Variants in POFUT2 observed in about 807,000 individuals in gnomAD.
The protein encoded by POFUT2 is protein O-fucosyltransferase 2, also known as GDP-fucose protein O-fucosyltransferase 2.
Under a neutral mutation model 55.0 loss-of-function variants are expected in POFUT2, and 30 were observed. The ratio of observed to expected loss-of-function variants is 0.55; its 90% confidence interval spans 0.41 to 0.74. The LOEUF is 0.74. Ranked by LOEUF, POFUT2 falls within the 30% of genes least tolerant of loss-of-function variation. The pLI, the probability that POFUT2 is intolerant of heterozygous loss-of-function variation, is 0.00. For synonymous variants in POFUT2, 267 were observed against 231.1 expected, an observed-to-expected ratio of 1.16 and a Z score of -1.41; for missense variants, 524 against 562.6, an observed-to-expected ratio of 0.93 and a Z score of 0.69.
At chr21:45,269,229 C>A (rs1335997551) in intron 7 of POFUT2, among the ~76,000 whole-genome samples, 1 of 150,344 alleles carries the variant, frequency 6.7e-6, no homozygotes, top group South Asian at 2.1e-4. Flanking sequence ...TCTGCCCGGC[C>A]GCCCCTACTG....
intron 6 of POFUT2, among the ~76,000 whole-genome samples, chr21:45,273,172 C>T (rs961533803): frequency 7.2e-5 from 11 of 152,008 alleles, no homozygotes; most frequent in African/African-American, 2.7e-4. Flanking sequence ...AGAGAAGATC[C>T]AAATAAGGTC....
chr21:45,285,273 A>C lies in POFUT2; in HGVS notation c.382+405T>G, dbSNP rs1379835935. The C allele has an allele frequency of 3.9e-6, 1 of 257,134 alleles. No individual in the cohort carries two copies. The highest frequency in any genetic ancestry group is 7.8e-6 in the Non-Finnish European group (1 of 128,304). 15.9% of individuals were successfully genotyped at this position (257,134 alleles called of 1,614,324 possible). ...ACAAAATTAAACGAGACAGACCTTT[A>C]TCCCTGGCGCTGCACTGAGACACCA... On this transcript the variant is annotated intron_variant, in intron 2 of 8. Coordinates refer to ENST00000349485, the MANE Select transcript of POFUT2 (RefSeq NM_133635.6). This position sits in a 1 kb window ranked among gnomAD's most constrained non-coding sequence, Gnocchi z 4.9.
Position 45,265,257 on chromosome 21 carries a change from GCCA to G in POFUT2, c.*222_*224del. 5.0e-6 allele frequency: 2 copies of G among 403,294 alleles called. No individual in the cohort carries two copies. The highest frequency in any genetic ancestry group is 8.4e-5 in the Admixed American group (2 of 23,728). The allele number at this position is 403,294 out of a possible 1,614,324, so 25.0% of individuals were successfully genotyped here. On this transcript the variant is annotated 3_prime_UTR_variant, in exon 9 of 9. Transcript: ENST00000349485. This position sits in a 1 kb window ranked among gnomAD's most constrained non-coding sequence, Gnocchi z 4.6. ...TCACAGACGCTGCCTGAAAACAACC[GCCA>G]CCCCCGAGAGCAGCGGAGCCTCTTC...
At chr21:45,269,576 A>ACGCTTGAAGGCAG (rs2093198708) in intron 7 of POFUT2, among the ~76,000 whole-genome samples, 1 of 152,080 alleles carries the variant, frequency 6.6e-6, no homozygotes, top group Admixed American at 6.5e-5. Flanking sequence ...TGTTAAACAG[A>ACGCTTGAAGGCAG]CGCTTGAAGG....
At chr21:45,274,203 A>G (rs985527584) in intron 6 of POFUT2, among the ~76,000 whole-genome samples, 2 of 152,118 alleles carry the variant, frequency 1.3e-5, no homozygotes, top group African/African-American at 2.4e-5. Flanking sequence ...CAAGAACTCA[A>G]CTCCTTTTAC....
At chr21:45,273,486 C>A (rs1222106976) in intron 6 of POFUT2, among the ~76,000 whole-genome samples, 1 of 152,126 alleles carries the variant, frequency 6.6e-6, no homozygotes, top group African/African-American at 2.4e-5. Flanking sequence ...TGAAACTATT[C>A]CAAAAGACAG....
chr21:45,278,086 C>T lies in POFUT2; in HGVS notation c.705+17G>A. On this transcript the variant is annotated intron_variant, in intron 5 of 8. Transcript: ENST00000349485. ...ACATACACTAACTGAGAAAAACGCT[C>T]CCGAGGAAACACTCACATCCCAGTA... The T allele has an allele frequency of 6.2e-7, 1 of 1,606,700 alleles. No homozygotes were observed. Among genetic ancestry groups the T allele is most frequent in the South Asian group, 1.1e-5 (1 of 90,926 alleles).
At chr21:45,268,245 G>A (rs1219061180) in intron 7 of POFUT2, among the ~76,000 whole-genome samples, 2 of 152,250 alleles carry the variant, frequency 1.3e-5, no homozygotes, top group Non-Finnish European at 2.9e-5. Context: ...TCGGCCTCCC[G>A]AGGTGCTGGG....
At chr21:45,280,306 G>A (rs1374197904) in intron 4 of POFUT2, among the ~76,000 whole-genome samples, 1 of 151,990 alleles carries the variant, frequency 6.6e-6, no homozygotes, top group African/African-American at 2.4e-5. Context: ...TTTTTTTACT[G>A]GGCATTATAT....
In POFUT2 at chr21:45,282,476, A is replaced by C; in HGVS notation, c.528-17T>G. 7.2e-7 allele frequency: 1 copy of C among 1,397,146 alleles called. No homozygotes were observed. The highest frequency in any genetic ancestry group is 1.0e-6 in the Non-Finnish European group (1 of 982,816). The allele number at this position is 1,397,146 out of a possible 1,614,324, so 86.5% of individuals were successfully genotyped here. On this transcript the variant is annotated splice_polypyrimidine_tract_variant and intron_variant, in intron 3 of 8. Transcript: ENST00000349485. The surrounding 1 kb of genome is among the most constrained non-coding windows in gnomAD (Gnocchi z 4.6). The stretch of plus-strand genomic sequence containing the variant: ...AACCATCCTCTGGAAAACAAAACCC[A>C]CAGCAGCTCTATCAGTTTATTTTGC...
At chr21:45,274,838 C>T (rs892946425) in intron 6 of POFUT2, among the ~76,000 whole-genome samples, 9 of 152,234 alleles carry the variant, frequency 5.9e-5, no homozygotes, top group Admixed American at 3.3e-4. Context: ...AAATTCTAGA[C>T]GATAACATCA....
intron 6 of POFUT2, among the ~76,000 whole-genome samples, chr21:45,273,488 A>G (rs1404754542): frequency 1.3e-5 from 2 of 152,228 alleles, no homozygotes; most frequent in East Asian, 3.8e-4. Flanking sequence ...AAACTATTCC[A>G]AAAGACAGAG....
In POFUT2 at chr21:45,267,552, C is replaced by G. The variant is rs757109746; in HGVS notation, c.1136+38G>C. Reference sequence around the variant, plus strand: ...GGACAGAAGAACCTTTGAAAGCCACCCGACCCGCTCTCGGCCGACAGTGAC... The same window carrying G: ...GGACAGAAGAACCTTTGAAAGCCACGCGACCCGCTCTCGGCCGACAGTGAC... On this transcript the variant is annotated intron_variant, in intron 8 of 8. Transcript: ENST00000349485. The surrounding 1 kb of genome is among the most constrained non-coding windows in gnomAD (Gnocchi z 4.4). The G allele has an allele frequency of 2.5e-6, 4 of 1,614,044 alleles. No homozygotes were observed. The highest frequency in any genetic ancestry group is 3.4e-6 in the Non-Finnish European group (4 of 1,180,044).
chr21:45,269,512 A>G (rs2146565337), intron 7 of POFUT2, among the ~76,000 whole-genome samples: 1 of 152,250 alleles, frequency 6.6e-6, no homozygotes, highest in East Asian at 1.9e-4. Flanking sequence ...TCTCTGAAAC[A>G]TGTGCTGTGT....
intron 1 of POFUT2, 61 bp downstream of exon 1, chr21:45,287,680 C>CAAACA: frequency 1.3e-5 from 17 of 1,312,000 alleles, no homozygotes; most frequent in South Asian, 2.0e-5. Context: ...CGCCCCCATC[C>CAAACA]CATCCTCTGA....
intron 7 of POFUT2, 79 bp downstream of exon 7, chr21:45,269,760 G>T: frequency 7.2e-7 from 1 of 1,380,142 alleles, no homozygotes; most frequent in Non-Finnish European, 9.9e-7. Context: ...ATCCCCGTCT[G>T]TGAGAAACAC....
chr21:45,270,808 C>G lies in POFUT2; in HGVS notation c.832-789G>C, dbSNP rs1321330055. Among the ~76,000 whole-genome samples the G allele has an allele frequency of 3.3e-5, 5 of 152,228 alleles. No homozygotes were observed. The highest frequency in any genetic ancestry group is 3.3e-4 in the Admixed American group (5 of 15,290). On this transcript the variant is annotated intron_variant, in intron 6 of 8. Coordinates refer to ENST00000349485, the MANE Select transcript of POFUT2 (RefSeq NM_133635.6). The surrounding 1 kb of genome is among the most constrained non-coding windows in gnomAD (Gnocchi z 4.6). ...AGACCCAGAAGAGCAATAACAATCACTGCAGCCCAGCTCTCAGGGAGCCCC... is the reference window on the plus strand; with the variant it reads ...AGACCCAGAAGAGCAATAACAATCAGTGCAGCCCAGCTCTCAGGGAGCCCC...
intron 6 of POFUT2, among the ~76,000 whole-genome samples, chr21:45,271,107 CCAGA>C (rs1449781311): frequency 1.3e-5 from 2 of 151,576 alleles, no homozygotes; most frequent in Admixed American, 6.6e-5. Context: ...CAAGGACATA[CCAGA>C]CAAAGGTGAA....
chr21:45,279,630 G>C (rs772671260), intron 4 of POFUT2, among the ~76,000 whole-genome samples: 2 of 152,156 alleles, frequency 1.3e-5, no homozygotes, highest in Non-Finnish European at 2.9e-5. Context: ...AGCCGTGCAC[G>C]GCCACTGCGG....
Sources: allele counts gnomAD v4.1 joint callset (sites outside exome capture counted in the v4.1 genomes callset), GRCh38; gene constraint gnomAD v4.1.1; non-coding constraint Gnocchi (gnomAD v3.1); transcripts MANE v1.5; gene names NCBI Gene and HGNC (gene_info 2026-07-23, HGNC 2026-07-21).